Variants in MYT1L observed in about 807,000 individuals in gnomAD.
MYT1L encodes myelin transcription factor 1-like protein.
In MYT1L, 12 loss-of-function variants were observed where a neutral mutation model predicts 126.7. The observed-to-expected ratio is 0.09, with a 90% CI of 0.06 to 0.15. The LOEUF (loss-of-function observed/expected upper bound fraction) is 0.15. Among genes scored for constraint, MYT1L ranks in the 10% least tolerant of loss-of-function variants. The probability of loss-of-function intolerance (pLI) is 1.00; values close to 1 mark genes in which losing one functional copy is unlikely to be tolerated. For synonymous variants in MYT1L, 541 were observed against 604.2 expected (o/e 0.90, Z 1.53); for missense variants, 979 against 1,585.2 (o/e 0.62, Z 6.49).
intron 3 of MYT1L, among the ~76,000 whole-genome samples, chr2:2,058,118 TTA>T (rs2069855953): frequency 6.6e-6 from 1 of 152,232 alleles, no homozygotes; most frequent in Non-Finnish European, 1.5e-5. Flanking sequence ...TCTTTGTGTT[TTA>T]TGTCACTCAT....
chr2:1,979,462 A>G lies in MYT1L; in HGVS notation c.89+59T>C. 6.6e-7 allele frequency: 1 copy of G among 1,517,880 alleles called. No homozygotes were observed. Among genetic ancestry groups the G allele is most frequent in the Non-Finnish European group, 9.2e-7 (1 of 1,092,400 alleles). 94.0% of individuals were successfully genotyped at this position (1,517,880 alleles called of 1,614,324 possible). On this transcript the variant is annotated intron_variant, in intron 7 of 24. Transcript: ENST00000647738. The surrounding 1 kb of genome is among the most constrained non-coding windows in gnomAD (Gnocchi z 4.0). ...AGCTGGAAGGTGCAGTGTGCCCATTAGAAGGCGTGAATTTTCCAAACTGTT... is the reference window on the plus strand; with the variant it reads ...AGCTGGAAGGTGCAGTGTGCCCATTGGAAGGCGTGAATTTTCCAAACTGTT...
intron 9 of MYT1L, among the ~76,000 whole-genome samples, chr2:1,935,126 T>C (rs2055689505): frequency 6.6e-6 from 1 of 152,202 alleles, no homozygotes; most frequent in African/African-American, 2.4e-5. Flanking sequence ...CAGAAATGTA[T>C]GTTTTTATTT....
intron 2 of MYT1L, among the ~76,000 whole-genome samples, chr2:2,211,578 C>T (rs371851140): frequency 3.2e-4 from 49 of 152,076 alleles, no homozygotes; most frequent in Non-Finnish European, 5.4e-4. Flanking sequence ...GAGGCCGAGG[C>T]GGGCAGATCA....
At chr2:1,830,727 G>A (rs1158976095) in intron 21 of MYT1L, among the ~76,000 whole-genome samples, 3 of 152,144 alleles carry the variant, frequency 2.0e-5, no homozygotes, top group Non-Finnish European at 4.4e-5. Context: ...CCAGGCCTGG[G>A]GAACTGTGGA....
In MYT1L at chr2:1,923,160, C is replaced by T. The variant is rs1274477331; in HGVS notation, c.609G>A (p.Lys203=). The T allele has an allele frequency of 3.1e-6, 5 of 1,614,034 alleles. No individual in the cohort carries two copies. Among genetic ancestry groups the T allele is most frequent in the African/African-American group, 1.3e-5 (1 of 75,070 alleles). Residue 203 remains lysine (K), a synonymous_variant, in exon 10 of 25, where the codon AAG becomes AAA. Transcript: ENST00000647738. Reference sequence around the variant, plus strand: ...CGATTTTGCCGAGGTTTAACAATGACTTGGCCACCAGTTCATCGTAATTGT... The same window carrying T: ...CGATTTTGCCGAGGTTTAACAATGATTTGGCCACCAGTTCATCGTAATTGT... ...EYDNYDELVA[K]SLLNLGKIAE... is the part of the protein sequence containing the mutation.
Position 1,874,952 on chromosome 2 carries a change from G to A in MYT1L, c.2711+11587C>T, listed in dbSNP as rs74353673. ...CCTTTCTGAGGTCACCTGGCGGCCC[G>A]TCTGCTGGCCCATCCGTGGTCCTCC... On this transcript the variant is annotated intron_variant, in intron 18 of 24. Transcript: ENST00000647738. Among the ~76,000 whole-genome samples, 370 of 152,304 alleles carry A rather than the reference G, an allele frequency of 2.4e-3. 12 individuals carry two copies. The East Asian group carries it at 0.059, about 24-fold the overall frequency.
intron 19 of MYT1L, among the ~76,000 whole-genome samples, chr2:1,843,413 GGA>G (rs1204330288): frequency 6.6e-6 from 1 of 152,064 alleles, no homozygotes. Context: ...TCCTACCCAG[GGA>G]GAGTTACTAC....
At chr2:2,068,912 T>C (rs540789871) in intron 3 of MYT1L, among the ~76,000 whole-genome samples, 2 of 151,458 alleles carry the variant, frequency 1.3e-5, no homozygotes, top group Non-Finnish European at 2.9e-5. Flanking sequence ...TTTCCCTCTA[T>C]GAATCTGATT....
In MYT1L at chr2:1,848,758, C is replaced by T. The variant is rs1349491575; in HGVS notation, c.2774+2883G>A. ...AGAACTGCACTTGTTTTGCTGGGGCCTCCATCTTCCTTTAGCGGGGGCTTT... is the reference window on the plus strand; with the variant it reads ...AGAACTGCACTTGTTTTGCTGGGGCTTCCATCTTCCTTTAGCGGGGGCTTT... On this transcript the variant is annotated intron_variant, in intron 19 of 24. Coordinates refer to ENST00000647738, the MANE Select transcript of MYT1L (RefSeq NM_001303052.2). This position sits in a 1 kb window ranked among gnomAD's most constrained non-coding sequence, Gnocchi z 4.8. Among the ~76,000 whole-genome samples the T allele has an allele frequency of 6.6e-6, 1 of 152,124 alleles. No homozygotes were observed. The highest frequency in any genetic ancestry group is 1.5e-5 in the Non-Finnish European group (1 of 68,038).
chr2:1,882,312 C>A (rs139395241), intron 18 of MYT1L, among the ~76,000 whole-genome samples: 58 of 152,234 alleles, frequency 3.8e-4, no homozygotes, highest in African/African-American at 1.2e-3. Context: ...CCTCTTCTCC[C>A]CCGAGACATT....
intron 3 of MYT1L, among the ~76,000 whole-genome samples, chr2:2,109,925 C>T (rs1314252920): frequency 7.0e-5 from 6 of 85,522 alleles, no homozygotes; most frequent in Non-Finnish European, 1.4e-4. Flanking sequence ...ATATATATAT[C>T]CCTTTCAGAA....
chr2:2,004,172 T>TGCAG (rs2062786283), intron 4 of MYT1L, among the ~76,000 whole-genome samples: 1 of 150,958 alleles, frequency 6.6e-6, no homozygotes, highest in Non-Finnish European at 1.5e-5. Flanking sequence ...CCTTCTTTCC[T>TGCAG]GCGTGCCTCC....
intron 3 of MYT1L, among the ~76,000 whole-genome samples, chr2:2,114,436 A>G (rs2079924642): frequency 6.6e-6 from 1 of 152,232 alleles, no homozygotes; most frequent in Non-Finnish European, 1.5e-5. Context: ...TTAGATAAAA[A>G]GCAACCTCCT....
At chr2:2,079,190 A>G (rs1393480908) in intron 3 of MYT1L, among the ~76,000 whole-genome samples, 1 of 152,232 alleles carries the variant, frequency 6.6e-6, no homozygotes, top group Non-Finnish European at 1.5e-5. Context: ...CAAATGGACT[A>G]AAACAACTAG....
rs1023377918 is a variant in MYT1L at position 1,927,927 on chromosome 2, AAACC to A, written c.506-4668_506-4665del. Among the ~76,000 whole-genome samples, 192 of 49,524 alleles carry A rather than the reference AAACC, an allele frequency of 3.9e-3. No individual in the cohort carries two copies. The African/African-American group carries it at 0.045, about 12-fold the overall frequency. 32.5% of individuals were successfully genotyped at this position (49,524 alleles called of 152,430 possible). A position where few individuals can be genotyped will look rare whatever the true frequency, so the allele number is the denominator to read the frequency against. On this transcript the variant is annotated intron_variant, in intron 9 of 24. Coordinates refer to ENST00000647738, the MANE Select transcript of MYT1L (RefSeq NM_001303052.2). ...TAGCAATCGCAATGATAAGGAAAAA[AAACC>A]AAACCACATAAACCATCTATATATT...
chr2:2,161,914 G>A (rs1009689269), intron 3 of MYT1L, among the ~76,000 whole-genome samples: 1 of 152,162 alleles, frequency 6.6e-6, no homozygotes, highest in African/African-American at 2.4e-5. Flanking sequence ...GGGTTCTAAC[G>A]GAAGTGGTCC....
At chr2:2,085,797 C>T (rs1369289010) in intron 3 of MYT1L, among the ~76,000 whole-genome samples, 1 of 152,204 alleles carries the variant, frequency 6.6e-6, no homozygotes, top group Non-Finnish European at 1.5e-5. Flanking sequence ...ACATGGGGTG[C>T]TGGAATCGAC....
intron 9 of MYT1L, among the ~76,000 whole-genome samples, chr2:1,928,509 G>T (rs2149150417): frequency 6.6e-6 from 1 of 152,306 alleles, no homozygotes; most frequent in South Asian, 2.1e-4. Flanking sequence ...CACTTCCAGA[G>T]CAAGCAGGCC....
At chr2:2,143,040 C>T (rs2084261914) in intron 3 of MYT1L, among the ~76,000 whole-genome samples, 1 of 150,682 alleles carries the variant, frequency 6.6e-6, no homozygotes, top group Admixed American at 6.6e-5. Flanking sequence ...CCTGTAATCC[C>T]AGCACTTTGG....
Sources: allele counts gnomAD v4.1 joint callset (sites outside exome capture counted in the v4.1 genomes callset), GRCh38; gene constraint gnomAD v4.1.1; non-coding constraint Gnocchi (gnomAD v3.1); transcripts MANE v1.5; gene names NCBI Gene and HGNC (gene_info 2026-07-23, HGNC 2026-07-21).